Variants in ENOX1 observed in about 807,000 individuals in gnomAD.
The protein encoded by ENOX1 is ecto-NOX disulfide-thiol exchanger 1, also known as candidate growth-related and time keeping constitutive hydroquinone (NADH) oxidase.
In ENOX1, 42 loss-of-function variants were observed where a neutral mutation model predicts 82.5. The ratio of observed to expected loss-of-function variants is 0.51; its 90% CI spans 0.40 to 0.66. The LOEUF (loss-of-function observed/expected upper bound fraction) is 0.66, where lower values mean the gene tolerates loss of function less well. Among genes scored for constraint, ENOX1 ranks in the 30% least tolerant of loss-of-function variants. The probability of loss-of-function intolerance (pLI) is 0.00; values close to 1 mark genes in which losing one functional copy is unlikely to be tolerated. For synonymous variants in ENOX1, 271 were observed against 282.2 expected (o/e 0.96, Z 0.40); for missense variants, 608 against 811.6 (o/e 0.75, Z 3.05).
chr13:43,537,189 A>T (rs2078498829), intron 2 of ENOX1, among the ~76,000 whole-genome samples: 1 of 152,188 alleles, frequency 6.6e-6, no homozygotes, highest in Non-Finnish European at 1.5e-5. Flanking sequence ...GTTGGCACTC[A>T]TCCACTGATG....
intron 1 of ENOX1, among the ~76,000 whole-genome samples, chr13:43,721,376 C>CTT (rs761888585): frequency 0.12 from 12,925 of 107,526 alleles, 2,183 homozygotes; most frequent in African/African-American, 0.28. Context: ...TATTTTATAT[C>CTT]TTTTTTTTTT....
chr13:43,573,495 T>A (rs962000519), intron 2 of ENOX1, among the ~76,000 whole-genome samples: 1 of 152,236 alleles, frequency 6.6e-6, no homozygotes, highest in South Asian at 2.1e-4. Flanking sequence ...GTGCATTCTT[T>A]AAATTCTTTA....
intron 5 of ENOX1, among the ~76,000 whole-genome samples, chr13:43,369,280 G>A (rs1343501121): frequency 4.6e-5 from 7 of 152,054 alleles, no homozygotes; most frequent in Non-Finnish European, 8.8e-5. Context: ...CACCTTTTCT[G>A]ACATCTAAAA....
chr13:43,751,116 T>C (rs1950287556), intron 1 of ENOX1, among the ~76,000 whole-genome samples: 1 of 152,214 alleles, frequency 6.6e-6, no homozygotes, highest in African/African-American at 2.4e-5. Context: ...CCAAATTATC[T>C]GTCATGCTCC....
chr13:43,695,052 C>T (rs1270920524), intron 1 of ENOX1, among the ~76,000 whole-genome samples: 2 of 152,102 alleles, frequency 1.3e-5, no homozygotes, highest in Non-Finnish European at 2.9e-5. Context: ...CCACACACAT[C>T]GATGGCACAC....
chr13:43,360,592 G>C (rs9567162), intron 6 of ENOX1, among the ~76,000 whole-genome samples: 20,779 of 151,698 alleles, frequency 0.14, 2,545 homozygotes, highest in African/African-American at 0.32. Flanking sequence ...TTTTGGGAAG[G>C]CTGTATAAAA....
At chr13:43,606,262 A>C (rs566789575) in intron 2 of ENOX1, among the ~76,000 whole-genome samples, 5 of 152,182 alleles carry the variant, frequency 3.3e-5, no homozygotes, top group Non-Finnish European at 7.3e-5. Flanking sequence ...GCTCCTCAAA[A>C]AACTAAAAAT....
At chr13:43,757,234 ATC>A (rs760650507) in intron 1 of ENOX1, among the ~76,000 whole-genome samples, 1 of 152,212 alleles carries the variant, frequency 6.6e-6, no homozygotes, top group African/African-American at 2.4e-5. Context: ...TCCCTCTGAT[ATC>A]TGACTTTGCA....
intron 5 of ENOX1, among the ~76,000 whole-genome samples, chr13:43,385,433 GATA>G (rs1312418113): frequency 2.0e-5 from 3 of 151,926 alleles, no homozygotes; most frequent in Non-Finnish European, 1.5e-5. Flanking sequence ...TGTTTCAACA[GATA>G]ATAAGTAAAA....
chr13:43,549,146 G>C (rs960638384), intron 2 of ENOX1, among the ~76,000 whole-genome samples: 2 of 152,196 alleles, frequency 1.3e-5, no homozygotes, highest in Non-Finnish European at 2.9e-5. Context: ...GCACAAAATA[G>C]TAAAAATTTA....
At chr13:43,687,145 T>C (rs2086118694) in intron 1 of ENOX1, among the ~76,000 whole-genome samples, 1 of 152,230 alleles carries the variant, frequency 6.6e-6, no homozygotes, top group African/African-American at 2.4e-5. Context: ...GGTGTCTGCC[T>C]TCTCACTAGT....
chr13:43,292,299 C>T (rs1049146282), intron 12 of ENOX1, among the ~76,000 whole-genome samples: 2 of 151,900 alleles, frequency 1.3e-5, no homozygotes, highest in Non-Finnish European at 2.9e-5. Flanking sequence ...ATATGATTAC[C>T]AAGCAGAAAC....
intron 16 of ENOX1, among the ~76,000 whole-genome samples, chr13:43,216,989 A>AAGAT (rs2041522325): frequency 1.3e-5 from 2 of 152,266 alleles, no homozygotes; most frequent in Admixed American, 1.3e-4. Context: ...ACACTCTCAT[A>AAGAT]AGATAGGGAA....
At chr13:43,719,544 C>T (rs997657460) in intron 1 of ENOX1, among the ~76,000 whole-genome samples, 1 of 152,006 alleles carries the variant, frequency 6.6e-6, no homozygotes, top group Non-Finnish European at 1.5e-5. Context: ...AGATCACACG[C>T]GAAATTCTAG....
At chr13:43,576,399 T>C (rs1353406) in intron 2 of ENOX1, among the ~76,000 whole-genome samples, 83,027 of 152,090 alleles carry the variant, frequency 0.55, 23,061 homozygotes, top group Non-Finnish European at 0.61. Flanking sequence ...TGTATACTTT[T>C]TCTTGACACT....
At chr13:43,663,840 T>C (rs1009352152) in intron 2 of ENOX1, among the ~76,000 whole-genome samples, 1 of 152,184 alleles carries the variant, frequency 6.6e-6, no homozygotes, top group African/African-American at 2.4e-5. Flanking sequence ...TAACTAAATG[T>C]AGATGAAAGA....
intron 11 of ENOX1, among the ~76,000 whole-genome samples, chr13:43,319,766 C>T (rs986598397): frequency 6.6e-6 from 1 of 152,170 alleles, no homozygotes; most frequent in Non-Finnish European, 1.5e-5. Context: ...CCCAGGAGGT[C>T]TGAAGCAAAA....
At chr13:43,220,894 C>T (rs746870257) in intron 16 of ENOX1, among the ~76,000 whole-genome samples, 2 of 152,310 alleles carry the variant, frequency 1.3e-5, no homozygotes, top group Non-Finnish European at 2.9e-5. Context: ...TCCCCACCCT[C>T]ATCACCTGGT....
intron 2 of ENOX1, among the ~76,000 whole-genome samples, chr13:43,651,970 CAAAAAA>C (rs35793831): frequency 1.2e-5 from 1 of 84,106 alleles, no homozygotes; most frequent in Non-Finnish European, 2.2e-5. Context: ...AACTTCGTCT[CAAAAAA>C]AAAAAAAAAA....
Sources: allele counts gnomAD v4.1 joint callset (sites outside exome capture counted in the v4.1 genomes callset), GRCh38; gene constraint gnomAD v4.1.1; transcripts MANE v1.5; gene names NCBI Gene and HGNC (gene_info 2026-07-23, HGNC 2026-07-21).